Variants in MMACHC observed in about 807,000 individuals in gnomAD.
The protein encoded by MMACHC is metabolism of cobalamin associated C, also known as cyanocobalamin reductase / alkylcobalamin dealkylase.
In MMACHC, 14 loss-of-function variants were observed where a neutral mutation model predicts 17.6. That is an observed-to-expected ratio of 0.80 (90% CI 0.53 to 1.25). The LOEUF (loss-of-function observed/expected upper bound fraction) is 1.25, where lower values mean the gene tolerates loss of function less well. MMACHC is among the 50% of genes most tolerant of loss of function. The pLI is 0.00. For synonymous variants in MMACHC, 151 were observed against 142.1 expected, an observed-to-expected ratio of 1.06 and a Z score of -0.45; for missense variants, 392 against 364.5, an observed-to-expected ratio of 1.08 and a Z score of -0.62.
intron 1 of MMACHC, among the ~76,000 whole-genome samples, chr1:45,505,853 G>C (rs1224941224): frequency 6.7e-6 from 1 of 149,126 alleles, no homozygotes; most frequent in Non-Finnish European, 1.5e-5. Flanking sequence ...GGTGAGCCTA[G>C]ATCACGCCAC....
chr1:45,509,505 C>T lies in MMACHC; in HGVS notation c.*290C>T, dbSNP rs1643699356. 1 of 320,714 alleles carries T rather than the reference C, an allele frequency of 3.1e-6. No individual in the cohort carries two copies. The highest frequency in any genetic ancestry group is 2.3e-5 in the African/African-American group (1 of 44,090). 19.9% of individuals were successfully genotyped at this position (320,714 alleles called of 1,614,324 possible). ...CTCTACTCACTGCAACCTCTGCCTCCTGGGTTCAAGCAATTATCTGCCTCA... is the reference window on the plus strand; with the variant it reads ...CTCTACTCACTGCAACCTCTGCCTCTTGGGTTCAAGCAATTATCTGCCTCA... On this transcript the variant is annotated 3_prime_UTR_variant, in exon 4 of 4. Coordinates refer to ENST00000401061, the MANE Select transcript of MMACHC (RefSeq NM_015506.3).
At position 45,510,836 on chromosome 1, in the gene MMACHC, A is replaced by AT. The variant is rs1227453189; in HGVS notation, c.*1622dup. On this transcript the variant is annotated 3_prime_UTR_variant, in exon 4 of 4. Coordinates refer to ENST00000401061, the MANE Select transcript of MMACHC (RefSeq NM_015506.3). ...CAGTCGCAGTGCTCTGGCCAACACT[A>AT]TAGCAGGGCTTATTCTTCTCCCTCA... is the stretch of plus-strand genomic sequence containing the variant. 6.6e-6 allele frequency: 1 copy of AT among 152,426 alleles called. No homozygotes were observed. Among genetic ancestry groups the AT allele is most frequent in the Non-Finnish European group, 1.5e-5 (1 of 68,202 alleles). The allele number at this position is 152,426 out of a possible 1,614,324, so 9.4% of individuals were successfully genotyped here.
chr1:45,502,240 T>A (rs1239834479), intron 1 of MMACHC, among the ~76,000 whole-genome samples: 2 of 152,188 alleles, frequency 1.3e-5, no homozygotes, highest in Non-Finnish European at 2.9e-5. Flanking sequence ...TTTCTGCCAG[T>A]GTGTTTGCTT....
Position 45,507,525 on chromosome 1 carries a change from C to T in MMACHC, c.251C>T (p.Ala84Val). Residue 84 changes from alanine to valine, a missense_variant, in exon 2 of 4, where the codon GCC becomes GTC. By Grantham distance (64) the Ala-to-Val change is moderately conservative. Transcript: ENST00000401061. ...ACTGACCCAGTGGACCAGTGTGTGG[C>T]CTACCATCTGGGCCGTGTTAGAGAG... The part of the protein sequence containing the change: ...MLTDPVDQCV[A>V]YHLGRVRESL... The T allele has an allele frequency of 6.2e-7, 1 of 1,614,182 alleles. No individual in the cohort carries two copies. The highest frequency in any genetic ancestry group is 1.3e-5 in the African/African-American group (1 of 75,038).
intron 1 of MMACHC, among the ~76,000 whole-genome samples, chr1:45,505,000 C>T (rs995742676): frequency 6.6e-6 from 1 of 151,354 alleles, no homozygotes; most frequent in Non-Finnish European, 1.5e-5. Context: ...CTGTTAATCC[C>T]TGCTACTTGG....
Position 45,508,293 on chromosome 1 carries a change from G to T in MMACHC, c.358G>T (p.Ala120Ser), listed in dbSNP as rs1033086300. The T allele has an allele frequency of 6.2e-7, 1 of 1,614,202 alleles. No individual in the cohort carries two copies. The highest frequency in any genetic ancestry group is 1.7e-5 in the Admixed American group (1 of 60,020). The change falls in exon 3 of 4, where the codon GCA becomes TCA. Residue 120 changes from alanine to serine, a missense_variant. By Grantham distance (99) the Ala-to-Ser change is moderately conservative. Transcript: ENST00000401061. ...ACGCCCCAAGATCCTGGCCCAGACA[G>T]CAGCCCATGTAGCTGGGGCTGCTTA... ...NRRPKILAQTAAHVAGAAYYY... is the reference protein window; with the variant it reads ...NRRPKILAQTSAHVAGAAYYY...
At position 45,508,946 on chromosome 1, in the gene MMACHC, G is replaced by A. The variant is rs751530925; in HGVS notation, c.580G>A (p.Glu194Lys). The A allele has an allele frequency of 1.5e-5, 25 of 1,614,020 alleles. No homozygotes were observed. The East Asian group carries it at 1.8e-4, about 12-fold the overall frequency. Reference protein sequence around the residue: ...PTRADRIALLEGFNFHWRDWT... With the variant: ...PTRADRIALLKGFNFHWRDWT... ...AAGAGCTGACCGTATCGCCCTACTC[G>A]AAGGCTTCAATTTCCACTGGCGTGA... Residue 194 changes from glutamate (E) to lysine (K), a missense_variant, in exon 4 of 4, where the codon GAA (glutamate) becomes AAA (lysine). Glu to Lys is a moderately conservative substitution (Grantham distance 56). Transcript: ENST00000401061.
chr1:45,506,430 G>A (rs949028428), intron 1 of MMACHC, among the ~76,000 whole-genome samples: 1 of 152,042 alleles, frequency 6.6e-6, no homozygotes, highest in Non-Finnish European at 1.5e-5. Flanking sequence ...AGTCAGTTGT[G>A]GATTTAGGAA....
chr1:45,511,494 G>T lies in MMACHC; in HGVS notation c.*2279G>T. ...TTCTCCTATGGACAAAACCAGTTCT[G>T]CACCTGAACACTCAGATACCAGGAA... On this transcript the variant is annotated 3_prime_UTR_variant, in exon 4 of 4. Transcript: ENST00000401061. 8.7e-7 allele frequency: 1 copy of T among 1,149,988 alleles called. No individual in the cohort carries two copies. 71.2% of individuals were successfully genotyped at this position (1,149,988 alleles called of 1,614,324 possible).
rs367604817 is a variant in MMACHC at position 45,505,426 on chromosome 1, G to A, written c.82-1930G>A. 7.2e-5 allele frequency among the ~76,000 whole-genome samples: 11 copies of A among 151,918 alleles called. No individual in the cohort carries two copies. In the East Asian group the frequency reaches 1.8e-3, roughly 24 times the overall value. ...CTGCGCCATTGCACTCCAGCCTGGC[G>A]ACAGAGTGAGAATCCGTCTCAAAAA... On this transcript the variant is annotated intron_variant, in intron 1 of 3. Transcript: ENST00000401061.
chr1:45,506,581 G>A (rs577816238), intron 1 of MMACHC, among the ~76,000 whole-genome samples: 3 of 151,952 alleles, frequency 2.0e-5, no homozygotes, highest in Non-Finnish European at 2.9e-5. Flanking sequence ...CTGCCTACCG[G>A]GTTCAAGCGA....
intron 1 of MMACHC, among the ~76,000 whole-genome samples, chr1:45,504,587 T>C (rs2149322345): frequency 6.6e-6 from 1 of 152,162 alleles, no homozygotes; most frequent in African/African-American, 2.4e-5. Flanking sequence ...CAGCCAGGTG[T>C]GGTGGCTCAC....
rs376653350 is a variant in MMACHC at position 45,508,992 on chromosome 1, T to G, written c.626T>G (p.Val209Gly). The G allele has an allele frequency of 6.2e-7, 1 of 1,614,212 alleles. No homozygotes were observed. The highest frequency in any genetic ancestry group is 8.5e-7 in the Non-Finnish European group (1 of 1,180,030). ...HWRDWTYRDA[V>G]TPQERYSEEQ... ...CGTGATTGGACTTACCGGGATGCTGTGACACCCCAGGAGCGCTACTCAGAA... is the reference window on the plus strand; with the variant it reads ...CGTGATTGGACTTACCGGGATGCTGGGACACCCCAGGAGCGCTACTCAGAA... Residue 209 changes from valine (V) to glycine (G), a missense_variant, in exon 4 of 4, where the codon GTG becomes GGG. Coordinates refer to ENST00000401061, the MANE Select transcript of MMACHC (RefSeq NM_015506.3).
At position 45,507,562 on chromosome 1, in the gene MMACHC, T is replaced by C; in HGVS notation, c.276+12T>C. 1 of 1,614,008 alleles carries C rather than the reference T, an allele frequency of 6.2e-7. No individual in the cohort carries two copies. Among genetic ancestry groups the C allele is most frequent in the Non-Finnish European group, 8.5e-7 (1 of 1,179,972 alleles). The stretch of plus-strand genomic sequence containing the variant: ...GCCGTGTTAGAGAGGTGAGGAAGGC[T>C]CAGTTTTCCCCCAGCTCCCAAACCT... On this transcript the variant is annotated intron_variant, in intron 2 of 3. Transcript: ENST00000401061.
chr1:45,502,953 C>T (rs55958907), intron 1 of MMACHC, among the ~76,000 whole-genome samples: 1,623 of 152,154 alleles, frequency 0.011, 33 homozygotes, highest in African/African-American at 0.037. Flanking sequence ...GATCTGCCTG[C>T]GTTGGCCTCC....
rs774927297 is a variant in MMACHC at position 45,511,373 on chromosome 1, G to T, written c.*2158G>T. On this transcript the variant is annotated 3_prime_UTR_variant, in exon 4 of 4. Transcript: ENST00000401061. ...TATTCTTTGCTCTTTTGGACATCAG[G>T]CTTGATGGTATCACTGCCAGGTTTC... The T allele has an allele frequency of 6.2e-7, 1 of 1,613,132 alleles. No individual in the cohort carries two copies. The highest frequency in any genetic ancestry group is 8.5e-7 in the Non-Finnish European group (1 of 1,179,626).
rs899560287 is a variant in MMACHC at position 45,511,224 on chromosome 1, G to A, written c.*2009G>A. On this transcript the variant is annotated 3_prime_UTR_variant, in exon 4 of 4. Transcript: ENST00000401061. ...CCTGCCTTGTAAGACACCACAATTC[G>A]GCTGAATCTGAAGTCTTGTGTTTTA... is the stretch of plus-strand genomic sequence containing the variant. 19 of 964,952 alleles carry A rather than the reference G, an allele frequency of 2.0e-5. No homozygotes were observed. The highest frequency in any genetic ancestry group is 1.0e-4 in the African/African-American group (6 of 60,270). 59.8% of individuals were successfully genotyped at this position (964,952 alleles called of 1,614,324 possible).
chr1:45,511,377 G>C lies in MMACHC; in HGVS notation c.*2162G>C, dbSNP rs765714807. The C allele has an allele frequency of 6.2e-7, 1 of 1,613,214 alleles. No individual in the cohort carries two copies. Among genetic ancestry groups the C allele is most frequent in the Non-Finnish European group, 8.5e-7 (1 of 1,179,668 alleles). ...CTTTGCTCTTTTGGACATCAGGCTT[G>C]ATGGTATCACTGCCAGGTTTCCAGC... is the stretch of plus-strand genomic sequence containing the variant. On this transcript the variant is annotated 3_prime_UTR_variant, in exon 4 of 4. Coordinates refer to ENST00000401061, the MANE Select transcript of MMACHC (RefSeq NM_015506.3).
rs774027381 is a variant in MMACHC, at chr1:45,511,341, G to T, written c.*2126G>T. The T allele has an allele frequency of 6.2e-7, 1 of 1,612,230 alleles. No homozygotes were observed. The highest frequency in any genetic ancestry group is 8.5e-7 in the Non-Finnish European group (1 of 1,179,118). On this transcript the variant is annotated 3_prime_UTR_variant, in exon 4 of 4. Coordinates refer to ENST00000401061, the MANE Select transcript of MMACHC (RefSeq NM_015506.3). ...AACAGCCCAGCGCTCACTTCTGCTT[G>T]GAGAAATATTCTTTGCTCTTTTGGA...
Sources: gnomAD v4.1 joint callset for allele counts (sites outside exome capture counted in the v4.1 genomes callset) on GRCh38, gnomAD v4.1.1 for gene constraint, MANE v1.5 for transcripts, NCBI Gene and HGNC (gene_info 2026-07-23, HGNC 2026-07-21) for gene names.